The following MYOZ2 variants were observed in gnomAD, a reference collection of about 807,000 sequenced individuals.
MYOZ2 encodes the protein myozenin 2, also known as myozenin-2.
Under a neutral mutation model 25.4 loss-of-function variants are expected in MYOZ2, and 19 were observed. The ratio of observed to expected loss-of-function variants is 0.75; its 90% CI spans 0.52 to 1.10. MYOZ2 has a LOEUF of 1.10. Ranked by LOEUF, MYOZ2 falls within the 50% of genes least tolerant of loss-of-function variation. The pLI is 0.00. For synonymous variants in MYOZ2, 92 were observed against 106.9 expected, an observed-to-expected ratio of 0.86 and a Z score of 0.86; for missense variants, 270 against 317.9, an observed-to-expected ratio of 0.85 and a Z score of 1.15.
chr4:119,169,944 A>G (rs1260625660), intron 5 of MYOZ2, among the ~76,000 whole-genome samples: 2 of 152,222 alleles, frequency 1.3e-5, no homozygotes, highest in South Asian at 2.1e-4. Context: ...TCTCTTAAAG[A>G]CTTAAATCAT....
At chr4:119,149,273 T>C (rs562806424) in intron 2 of MYOZ2, among the ~76,000 whole-genome samples, 1 of 152,262 alleles carries the variant, frequency 6.6e-6, no homozygotes, top group African/African-American at 2.4e-5. Context: ...GGAATGAAAG[T>C]CCCAACTTCC....
intron 5 of MYOZ2, among the ~76,000 whole-genome samples, chr4:119,172,439 G>A (rs77161605): frequency 0.042 from 6,354 of 152,252 alleles, 205 homozygotes; most frequent in Middle Eastern, 0.088. Context: ...AGAGTGAGTC[G>A]AAGCTGTCCT....
intron 5 of MYOZ2, among the ~76,000 whole-genome samples, chr4:119,172,012 GCATTCAGCAATGATA>G (rs548244413): frequency 7.9e-4 from 120 of 152,250 alleles, no homozygotes; most frequent in African/African-American, 2.5e-3. Context: ...TAGTCAAATG[GCATTCAGCAATGATA>G]ATGAGTGGAT....
intron 2 of MYOZ2, among the ~76,000 whole-genome samples, chr4:119,140,704 C>T (rs905509749): frequency 3.9e-5 from 6 of 152,132 alleles, no homozygotes; most frequent in African/African-American, 1.4e-4. Flanking sequence ...TCTTTGAAGG[C>T]TTTTTCACTC....
intron 5 of MYOZ2, among the ~76,000 whole-genome samples, chr4:119,169,075 A>G (rs1741893564): frequency 6.6e-6 from 1 of 151,068 alleles, no homozygotes; most frequent in South Asian, 2.1e-4. Flanking sequence ...GCAGCTATCA[A>G]CAATATGGCA....
intron 3 of MYOZ2, among the ~76,000 whole-genome samples, chr4:119,151,271 G>A (rs1378760961): frequency 1.3e-5 from 2 of 152,074 alleles, no homozygotes; most frequent in Admixed American, 1.3e-4. Context: ...TGTAGATTTG[G>A]CACTGAGGAA....
chr4:119,168,779 G>C (rs1190278611), intron 5 of MYOZ2, among the ~76,000 whole-genome samples: 1 of 152,162 alleles, frequency 6.6e-6, no homozygotes, highest in Non-Finnish European at 1.5e-5. Context: ...TCTTGAGATG[G>C]TATCTACCCC....
At chr4:119,164,872 A>G (rs1411352029) in intron 5 of MYOZ2, among the ~76,000 whole-genome samples, 1 of 152,064 alleles carries the variant, frequency 6.6e-6, no homozygotes, top group Non-Finnish European at 1.5e-5. Flanking sequence ...CCAAGATTCC[A>G]GAAGAGGTAC....
chr4:119,143,924 A>G (rs1348591061), intron 2 of MYOZ2, among the ~76,000 whole-genome samples: 1 of 152,132 alleles, frequency 6.6e-6, no homozygotes, highest in Non-Finnish European at 1.5e-5. Context: ...TTAGATAATC[A>G]TAGTTTCACC....
chr4:119,160,280 T>C (rs2149224061), intron 4 of MYOZ2, among the ~76,000 whole-genome samples: 1 of 151,948 alleles, frequency 6.6e-6, no homozygotes, highest in Admixed American at 6.6e-5. Flanking sequence ...CTATCTGAGC[T>C]CCAACCACTG....
intron 5 of MYOZ2, among the ~76,000 whole-genome samples, chr4:119,175,790 C>T (rs1337281497): frequency 2.0e-5 from 3 of 151,896 alleles, no homozygotes; most frequent in Admixed American, 6.6e-5. Flanking sequence ...GGTTGTGTGA[C>T]CTGTGCAATT....
intron 5 of MYOZ2, among the ~76,000 whole-genome samples, chr4:119,174,050 G>A (rs1179913456): frequency 1.3e-5 from 2 of 152,212 alleles, no homozygotes; most frequent in African/African-American, 2.4e-5. Flanking sequence ...CCTGCAGCCC[G>A]CCATGCCTGA....
chr4:119,161,840 T>C (rs1741716604), intron 4 of MYOZ2, among the ~76,000 whole-genome samples: 1 of 152,168 alleles, frequency 6.6e-6, no homozygotes, highest in Non-Finnish European at 1.5e-5. Context: ...GTTCTAGTTA[T>C]GTGATCATTA....
chr4:119,137,030 G>A (rs1384678392), intron 2 of MYOZ2, among the ~76,000 whole-genome samples: 7 of 151,710 alleles, frequency 4.6e-5, no homozygotes, highest in African/African-American at 1.7e-4. Flanking sequence ...TTTTTATCAA[G>A]CTATTAAGTT....
At chr4:119,157,506 G>A (rs576672573) in intron 3 of MYOZ2, among the ~76,000 whole-genome samples, 1 of 151,970 alleles carries the variant, frequency 6.6e-6, no homozygotes, top group South Asian at 2.1e-4. Flanking sequence ...AATGATTTTT[G>A]TGTTTTTTTG....
At chr4:119,141,718 C>T (rs1239852254) in intron 2 of MYOZ2, among the ~76,000 whole-genome samples, 1 of 151,674 alleles carries the variant, frequency 6.6e-6, no homozygotes, top group Non-Finnish European at 1.5e-5. Context: ...ACAAAGACAA[C>T]CTTCTAAGCC....
At chr4:119,148,398 G>A (rs989823104) in intron 2 of MYOZ2, among the ~76,000 whole-genome samples, 3 of 151,988 alleles carry the variant, frequency 2.0e-5, no homozygotes, top group African/African-American at 7.2e-5. Context: ...GTCAACTTTA[G>A]GACATTTTTC....
chr4:119,136,700 C>T (rs1741032880), intron 2 of MYOZ2, 99 bp downstream of exon 2: 1 of 1,285,382 alleles, frequency 7.8e-7, no homozygotes, highest in East Asian at 2.5e-5. Context: ...CCTTTAGATT[C>T]TTGCTGTTCT....
At chr4:119,157,764 CAGTA>C (rs1302293227) in intron 3 of MYOZ2, among the ~76,000 whole-genome samples, 2 of 152,064 alleles carry the variant, frequency 1.3e-5, no homozygotes, top group Non-Finnish European at 2.9e-5. Flanking sequence ...GCCTGGCACA[CAGTA>C]AGTCTCAATT....
Sources: gnomAD v4.1 joint callset for allele counts (sites outside exome capture counted in the v4.1 genomes callset) on GRCh38, gnomAD v4.1.1 for gene constraint, MANE v1.5 for transcripts, NCBI Gene and HGNC (gene_info 2026-07-23, HGNC 2026-07-21) for gene names.